KCNMA1: variants seen among roughly 807,000 people sequenced by gnomAD.
KCNMA1 encodes potassium calcium-activated channel subfamily M alpha 1, also known as Calcium-activated potassium channel subunit alpha-1.
A neutral mutation model predicts 140.0 loss-of-function variants in KCNMA1; 29 were observed. That is an observed-to-expected ratio of 0.21 (90% CI 0.15 to 0.28). KCNMA1 has a LOEUF of 0.28. Ranked by LOEUF, KCNMA1 falls within the 10% of genes least tolerant of loss-of-function variation. KCNMA1 has a pLI of 1.00. For synonymous variants in KCNMA1, 612 were observed against 611.9 expected (o/e 1.00, Z 0.00); for missense variants, 880 against 1,602.2 (o/e 0.55, Z 7.70).
At chr10:77,219,375 C>A (rs1191034076) in intron 3 of KCNMA1, among the ~76,000 whole-genome samples, 3 of 152,130 alleles carry the variant, frequency 2.0e-5, no homozygotes, top group African/African-American at 7.2e-5. Context: ...GGCACTCAGG[C>A]TCACTCTGCT....
intron 15 of KCNMA1, among the ~76,000 whole-genome samples, chr10:77,032,845 G>A (rs1336509651): frequency 6.6e-6 from 1 of 152,062 alleles, no homozygotes; most frequent in Non-Finnish European, 1.5e-5. Flanking sequence ...CCTACCCAGA[G>A]GGAAATACAT....
intron 5 of KCNMA1, among the ~76,000 whole-genome samples, chr10:77,151,436 C>T (rs951497620): frequency 2.0e-4 from 30 of 147,552 alleles, no homozygotes; most frequent in Admixed American, 1.5e-3. Flanking sequence ...CCATGTTGGT[C>T]AGGATGGTCT....
intron 5 of KCNMA1, among the ~76,000 whole-genome samples, chr10:77,127,704 G>A (rs1217319100): frequency 6.6e-6 from 1 of 152,190 alleles, no homozygotes; most frequent in Non-Finnish European, 1.5e-5. Flanking sequence ...CGGGCATGGT[G>A]GCTCATGCCT....
intron 2 of KCNMA1, among the ~76,000 whole-genome samples, chr10:77,392,982 G>A (rs183203213): frequency 7.2e-4 from 110 of 152,298 alleles, no homozygotes; most frequent in Admixed American, 1.7e-3. Flanking sequence ...CGCCCACAAC[G>A]TACAGCTCCA....
At chr10:76,993,550 GATC>G (rs1039292169) in intron 19 of KCNMA1, among the ~76,000 whole-genome samples, 63 of 152,312 alleles carry the variant, frequency 4.1e-4, no homozygotes, top group African/African-American at 1.4e-3. Flanking sequence ...GCAGACTATA[GATC>G]AAGTCTTCCT....
chr10:77,085,804 C>T (rs1477681963), intron 11 of KCNMA1, among the ~76,000 whole-genome samples: 1 of 151,936 alleles, frequency 6.6e-6, no homozygotes, highest in Non-Finnish European at 1.5e-5. Flanking sequence ...TAATGTACAC[C>T]CCCTGGCATG....
intron 27 of KCNMA1, 133 bp from the exon 28 acceptor site, chr10:76,887,648 T>C (rs2037742337): frequency 9.9e-7 from 1 of 1,011,870 alleles, no homozygotes; most frequent in Non-Finnish European, 1.5e-6. Context: ...CTAGCTGGTC[T>C]GAGGCCTTAA....
chr10:77,172,041 C>T (rs1361349936), intron 5 of KCNMA1, among the ~76,000 whole-genome samples: 1 of 152,162 alleles, frequency 6.6e-6, no homozygotes, highest in African/African-American at 2.4e-5. Flanking sequence ...AGTAGGTGTT[C>T]AGCTGAATAA....
At chr10:77,631,470 T>C (rs1272087176) in intron 1 of KCNMA1, among the ~76,000 whole-genome samples, 1 of 152,236 alleles carries the variant, frequency 6.6e-6, no homozygotes, top group Non-Finnish European at 1.5e-5. Context: ...AAAGGCGACC[T>C]TCCAGGGGAT....
chr10:77,252,573 GTGTA>G (rs1565505143), intron 2 of KCNMA1, among the ~76,000 whole-genome samples: 2 of 151,398 alleles, frequency 1.3e-5, no homozygotes, highest in Non-Finnish European at 2.9e-5. Flanking sequence ...ACGTGTGCCT[GTGTA>G]TGTATGAGAG....
At chr10:77,340,841 C>T (rs918275402) in intron 2 of KCNMA1, among the ~76,000 whole-genome samples, 19 of 150,880 alleles carry the variant, frequency 1.3e-4, no homozygotes, top group Admixed American at 8.6e-4. Context: ...TGCACATGTA[C>T]CCTAGAACTT....
chr10:77,503,345 T>C (rs1373550401), intron 1 of KCNMA1, among the ~76,000 whole-genome samples: 2 of 152,142 alleles, frequency 1.3e-5, no homozygotes, highest in Non-Finnish European at 2.9e-5. Flanking sequence ...AGTTGAATCC[T>C]TTAAAAAGAC....
chr10:76,956,472 A>G (rs2068350993), intron 20 of KCNMA1, among the ~76,000 whole-genome samples: 1 of 152,162 alleles, frequency 6.6e-6, no homozygotes, highest in Non-Finnish European at 1.5e-5. Context: ...GACTGACCTG[A>G]GGAACATCAA....
intron 15 of KCNMA1, among the ~76,000 whole-genome samples, chr10:77,034,067 C>T (rs143589247): frequency 6.6e-6 from 1 of 152,018 alleles, no homozygotes; most frequent in East Asian, 1.9e-4. Context: ...CATGGTGAAA[C>T]CCCGTATCTA....
intron 3 of KCNMA1, among the ~76,000 whole-genome samples, chr10:77,241,355 G>A (rs764503509): frequency 3.3e-4 from 50 of 152,212 alleles, no homozygotes; most frequent in African/African-American, 8.4e-4. Flanking sequence ...TAATAACAAC[G>A]AATCCAGGCT....
At chr10:77,469,639 G>A (rs1014377381) in intron 1 of KCNMA1, among the ~76,000 whole-genome samples, 1 of 152,172 alleles carries the variant, frequency 6.6e-6, no homozygotes, top group African/African-American at 2.4e-5. Context: ...AAGCCCAGAA[G>A]TGTGGCCAAA....
intron 9 of KCNMA1, chr10:77,091,111 T>C: frequency 6.2e-6 from 1 of 161,056 alleles, no homozygotes; most frequent in Admixed American, 5.7e-5. Context: ...CATGTAACAC[T>C]TTACAGTAAG....
chr10:76,969,306 G>GAAGGAAGGGAGGAAGGAAGGAAGGAAGT, intron 20 of KCNMA1, among the ~76,000 whole-genome samples: 1 of 150,248 alleles, frequency 6.7e-6, no homozygotes, highest in Non-Finnish European at 1.5e-5. Context: ...AGGAGGGAAG[G>GAAGGAAGGGAGGAAGGAAGGAAGGAAGT]AAGGAAGGAA....
chr10:76,937,616 C>T (rs2060893719), intron 23 of KCNMA1, among the ~76,000 whole-genome samples: 1 of 152,186 alleles, frequency 6.6e-6, no homozygotes, highest in Admixed American at 6.5e-5. Context: ...TTTAGAGATC[C>T]TAATCCACAC....
Sources: allele counts gnomAD v4.1 joint callset (sites outside exome capture counted in the v4.1 genomes callset), GRCh38; gene constraint gnomAD v4.1.1; transcripts MANE v1.5; gene names NCBI Gene and HGNC (gene_info 2026-07-23, HGNC 2026-07-21).